Variants in AGBL4 observed in about 807,000 individuals in gnomAD.
AGBL4 encodes AGBL carboxypeptidase 4.
In AGBL4, 58 loss-of-function variants were observed where a neutral mutation model predicts 66.4. That is an observed-to-expected ratio of 0.87 (90% CI 0.71 to 1.09). The LOEUF (loss-of-function observed/expected upper bound fraction) is 1.09, where lower values mean the gene tolerates loss of function less well. Ranked by LOEUF, AGBL4 falls within the 50% of genes least tolerant of loss-of-function variation. AGBL4 has a pLI of 0.00. For synonymous variants in AGBL4, 234 were observed against 222.9 expected, an observed-to-expected ratio of 1.05 and a Z score of -0.44; for missense variants, 579 against 631.0, an observed-to-expected ratio of 0.92 and a Z score of 0.88.
At chr1:49,844,963 C>G (rs1168921089) in intron 2 of AGBL4, 3 of 1,369,782 alleles carry the variant, frequency 2.2e-6, no homozygotes, top group Non-Finnish European at 2.1e-6. Flanking sequence ...TGATTTCCTA[C>G]ATCAACCAAT....
At chr1:48,918,921 C>T (rs1228328956) in intron 5 of AGBL4, among the ~76,000 whole-genome samples, 1 of 152,162 alleles carries the variant, frequency 6.6e-6, no homozygotes, top group African/African-American at 2.4e-5. Context: ...GGTCAGGTAT[C>T]TCCCCAAGTC....
chr1:49,118,958 C>G (rs2148039021), intron 4 of AGBL4, among the ~76,000 whole-genome samples: 1 of 152,278 alleles, frequency 6.6e-6, no homozygotes, highest in Middle Eastern at 3.4e-3. Context: ...TTATCCATTT[C>G]TTCTAGATTT....
chr1:49,025,557 T>C (rs1663596231), intron 5 of AGBL4: 3 of 152,136 alleles, frequency 2.0e-5, no homozygotes, highest in African/African-American at 4.8e-5. Context: ...TGACATTCTA[T>C]TACACAGATA....
At chr1:49,733,748 T>G (rs1008534381) in intron 2 of AGBL4, among the ~76,000 whole-genome samples, 1 of 152,206 alleles carries the variant, frequency 6.6e-6, no homozygotes, top group Non-Finnish European at 1.5e-5. Flanking sequence ...AAGTATAGTC[T>G]CACTGTTCTG....
chr1:49,377,825 G>C (rs1431391478), intron 3 of AGBL4, among the ~76,000 whole-genome samples: 1 of 152,086 alleles, frequency 6.6e-6, no homozygotes, highest in Non-Finnish European at 1.5e-5. Flanking sequence ...AAGCACACCT[G>C]TACCTGGCTC....
At chr1:49,095,603 T>A (rs1645082421) in intron 4 of AGBL4, among the ~76,000 whole-genome samples, 1 of 152,082 alleles carries the variant, frequency 6.6e-6, no homozygotes, top group South Asian at 2.1e-4. Flanking sequence ...ATTCCCTATT[T>A]AATAAATGGT....
At chr1:49,957,609 T>C (rs1334774781) in intron 1 of AGBL4, among the ~76,000 whole-genome samples, 1 of 152,014 alleles carries the variant, frequency 6.6e-6, no homozygotes, top group Non-Finnish European at 1.5e-5. Context: ...TTTACCATTA[T>C]GTAATGGCCT....
intron 4 of AGBL4, among the ~76,000 whole-genome samples, chr1:49,096,249 A>G (rs1011260460): frequency 2.6e-5 from 4 of 152,178 alleles, no homozygotes; most frequent in African/African-American, 9.6e-5. Context: ...TGGGACTGTA[A>G]ACTAGTTCAA....
intron 3 of AGBL4, among the ~76,000 whole-genome samples, chr1:49,427,830 C>T (rs955889226): frequency 6.6e-6 from 1 of 152,206 alleles, no homozygotes; most frequent in African/African-American, 2.4e-5. Flanking sequence ...CCGCCCACAT[C>T]CTGCTAATTG....
At chr1:49,455,181 T>C (rs1301230462) in intron 3 of AGBL4, among the ~76,000 whole-genome samples, 17 of 151,660 alleles carry the variant, frequency 1.1e-4, no homozygotes. Context: ...GAAAAGTATG[T>C]ATATATGTTT....
chr1:49,831,483 G>C (rs1013726483), intron 2 of AGBL4, among the ~76,000 whole-genome samples: 5 of 152,152 alleles, frequency 3.3e-5, no homozygotes, highest in Non-Finnish European at 7.4e-5. Flanking sequence ...TGCTGAAGTT[G>C]CTTCAGCAAA....
At chr1:49,586,848 C>A (rs770968675) in intron 3 of AGBL4, among the ~76,000 whole-genome samples, 2 of 152,062 alleles carry the variant, frequency 1.3e-5, no homozygotes, top group Non-Finnish European at 2.9e-5. Flanking sequence ...ATTACTTATT[C>A]ATCTACACAT....
rs182531357 is a variant in AGBL4 at position 49,020,323 on chromosome 1, C to G, written c.594+25261G>C. Among the ~76,000 whole-genome samples, 248 of 152,244 alleles carry G rather than the reference C, an allele frequency of 1.6e-3. 1 individual carries two copies. The highest frequency in any genetic ancestry group is 2.8e-3 in the Non-Finnish European group (188 of 68,006). On this transcript the variant is annotated intron_variant, in intron 5 of 13. Coordinates refer to ENST00000371839, the MANE Select transcript of AGBL4 (RefSeq NM_032785.4). ...TATTAAAGAATTATCAGCCCTTGGGCCTGTAAACAACTTCATGGAACCTCA... is the reference window on the plus strand; with the variant it reads ...TATTAAAGAATTATCAGCCCTTGGGGCTGTAAACAACTTCATGGAACCTCA...
intron 2 of AGBL4, among the ~76,000 whole-genome samples, chr1:49,740,549 C>A (rs936738390): frequency 6.6e-6 from 1 of 152,170 alleles, no homozygotes; most frequent in African/African-American, 2.4e-5. Context: ...ACCAAGCAGA[C>A]CTAATAGACA....
At chr1:48,841,990 G>T (rs1049574617) in intron 6 of AGBL4, among the ~76,000 whole-genome samples, 5 of 152,104 alleles carry the variant, frequency 3.3e-5, no homozygotes, top group Admixed American at 6.5e-5. Context: ...CTAATCCAAA[G>T]ACCTTACTTT....
At chr1:48,914,687 T>C (rs1361659492) in intron 5 of AGBL4, among the ~76,000 whole-genome samples, 1 of 152,178 alleles carries the variant, frequency 6.6e-6, no homozygotes, top group Non-Finnish European at 1.5e-5. Flanking sequence ...AGAAGGACTG[T>C]TAACCAGTTT....
intron 1 of AGBL4, among the ~76,000 whole-genome samples, chr1:49,910,714 G>A (rs945739555): frequency 3.3e-5 from 5 of 152,030 alleles, no homozygotes; most frequent in Non-Finnish European, 7.4e-5. Context: ...GGTGGCTCAC[G>A]CCTGTAATCC....
At chr1:48,553,333 G>A (rs1644276781) in intron 11 of AGBL4, among the ~76,000 whole-genome samples, 1 of 152,148 alleles carries the variant, frequency 6.6e-6, no homozygotes, top group African/African-American at 2.4e-5. Context: ...TATATTTTTA[G>A]AAGCTTCAAC....
chr1:49,795,661 G>A (rs1270557557), intron 2 of AGBL4, among the ~76,000 whole-genome samples: 1 of 151,814 alleles, frequency 6.6e-6, no homozygotes, highest in African/African-American at 2.4e-5. Context: ...GTGCATCCAT[G>A]TGTGTCAGTA....
Sources: gnomAD v4.1 joint callset for allele counts (sites outside exome capture counted in the v4.1 genomes callset) on GRCh38, gnomAD v4.1.1 for gene constraint, MANE v1.5 for transcripts, NCBI Gene and HGNC (gene_info 2026-07-23, HGNC 2026-07-21) for gene names.